The following RELN variants were observed in gnomAD, a reference collection of about 807,000 sequenced individuals.
RELN encodes the protein reelin.
In RELN, 108 loss-of-function variants were observed where a neutral mutation model predicts 427.6. That is an observed-to-expected ratio of 0.25 (90% confidence interval 0.22 to 0.30). The LOEUF is 0.30. RELN is among the 10% of genes least tolerant of loss of function. RELN has a pLI of 1.00. For missense variants in RELN, 3,715 were observed against 4,302.8 expected (o/e 0.86, Z 3.82); for synonymous variants, 1,524 against 1,513.4 (o/e 1.01, Z -0.16).
At chr7:103,597,249 C>T (rs1358385854) in intron 24 of RELN, among the ~76,000 whole-genome samples, 1 of 152,112 alleles carries the variant, frequency 6.6e-6, no homozygotes, top group African/African-American at 2.4e-5. Context: ...TGGCCCTGAC[C>T]CTCCTGTCCT....
chr7:103,857,823 G>A (rs549381419), intron 2 of RELN, among the ~76,000 whole-genome samples: 1 of 152,222 alleles, frequency 6.6e-6, no homozygotes, highest in South Asian at 2.1e-4. Flanking sequence ...ATGCTAATCA[G>A]TTGTCCTACT....
intron 4 of RELN, among the ~76,000 whole-genome samples, chr7:103,769,163 C>T (rs1397327444): frequency 1.3e-5 from 2 of 152,292 alleles, no homozygotes; most frequent in African/African-American, 4.8e-5. Context: ...TAAGGTCACA[C>T]AAGTAAAGCC....
chr7:103,596,776 C>G (rs574471758), intron 24 of RELN, 115 bp from the exon 25 acceptor site: 1 of 897,220 alleles, frequency 1.1e-6, no homozygotes, highest in African/African-American at 1.6e-5. Context: ...GGTCTCGTCC[C>G]CATTTATTGT....
intron 2 of RELN, among the ~76,000 whole-genome samples, chr7:103,893,730 A>T (rs970044858): frequency 1.3e-5 from 2 of 152,132 alleles, no homozygotes; most frequent in Admixed American, 1.3e-4. Flanking sequence ...ATGCAAGTAC[A>T]CCCTCACATA....
chr7:103,952,099 TA>T (rs1796344285), intron 1 of RELN, among the ~76,000 whole-genome samples: 1 of 152,254 alleles, frequency 6.6e-6, no homozygotes, highest in Non-Finnish European at 1.5e-5. Context: ...CAGTTCTCAA[TA>T]AAATAATTTA....
At chr7:103,724,820 A>G (rs1790164404) in intron 7 of RELN, among the ~76,000 whole-genome samples, 1 of 152,092 alleles carries the variant, frequency 6.6e-6, no homozygotes, top group South Asian at 2.1e-4. Context: ...AGGAAAAAAA[A>G]AAAGAAGCAC....
chr7:103,963,195 G>A (rs889725345), intron 1 of RELN, among the ~76,000 whole-genome samples: 5 of 136,514 alleles, frequency 3.7e-5, no homozygotes, highest in African/African-American at 1.1e-4. Context: ...CTCTGTCTTC[G>A]CTTTGTCCTT....
At chr7:103,624,828 A>G (rs1309499481) in intron 20 of RELN, among the ~76,000 whole-genome samples, 1 of 152,164 alleles carries the variant, frequency 6.6e-6, no homozygotes, top group Non-Finnish European at 1.5e-5. Flanking sequence ...CTAAAAAATG[A>G]CCAACGGATG....
chr7:103,701,176 A>T (rs1036671605), intron 8 of RELN, among the ~76,000 whole-genome samples, 170 bp from the exon 9 acceptor site: 17 of 152,164 alleles, frequency 1.1e-4, no homozygotes, highest in Non-Finnish European at 1.5e-4. Flanking sequence ...GGTAACTACC[A>T]TTTGATAAAT....
At chr7:103,482,694 T>C (rs904478085) in intron 63 of RELN, 179 bp downstream of exon 63, 9 of 825,250 alleles carry the variant, frequency 1.1e-5, no homozygotes, top group Non-Finnish European at 1.3e-5. Context: ...CATTCGGGGC[T>C]TTGCTATTTC....
chr7:103,969,197 C>T lies in RELN; in HGVS notation c.226+19934G>A, dbSNP rs1796715065. Among the ~76,000 whole-genome samples, 7 of 152,174 alleles carry T rather than the reference C, an allele frequency of 4.6e-5. No individual in the cohort carries two copies. In the South Asian group the frequency reaches 1.2e-3, roughly 27 times the overall value. ...AATAAACTGGGGTTTTTAACTCCTC[C>T]AGTAATTATGGCAAAGTTCATGCCC... On this transcript the variant is annotated intron_variant, in intron 1 of 64. Coordinates refer to ENST00000428762, the MANE Select transcript of RELN (RefSeq NM_005045.4).
chr7:103,794,725 T>C (rs972399762), intron 3 of RELN, among the ~76,000 whole-genome samples: 4 of 152,154 alleles, frequency 2.6e-5, no homozygotes, highest in Admixed American at 2.6e-4. Flanking sequence ...TTATTTAAAT[T>C]GGATCATTCT....
chr7:103,829,275 G>A (rs1793218129), intron 3 of RELN, among the ~76,000 whole-genome samples: 1 of 151,466 alleles, frequency 6.6e-6, no homozygotes, highest in East Asian at 1.9e-4. Flanking sequence ...TTTGGAGATT[G>A]GCTTTCTTTC....
chr7:103,965,692 G>A (rs1267406019), intron 1 of RELN, among the ~76,000 whole-genome samples: 2 of 152,056 alleles, frequency 1.3e-5, no homozygotes, highest in Non-Finnish European at 2.9e-5. Flanking sequence ...TGTTTATCTG[G>A]TTGGATCAAT....
intron 8 of RELN, among the ~76,000 whole-genome samples, chr7:103,717,478 AAC>A (rs1370057939): frequency 5.2e-4 from 73 of 141,652 alleles, no homozygotes; most frequent in Middle Eastern, 3.6e-3. Flanking sequence ...CCATATATAA[AAC>A]AAAAAAAAAA....
In RELN at chr7:103,500,762, A is replaced by G. The variant is rs2117033041; in HGVS notation, c.8650T>C (p.Leu2884=). The part of the protein sequence containing the change: ...DPGYSGPNCY[L]THTLKTFLKE... ...ACCCTTACCTTCAGAGTGTGGGTCA[A>G]GTAGCAGTTTGGCCCTGAGTATCCC... The change falls in exon 53 of 65, where the codon TTG becomes CTG. Residue 2884 remains leucine, a synonymous_variant. Transcript: ENST00000428762. The G allele has an allele frequency of 3.1e-6, 5 of 1,614,134 alleles. No homozygotes were observed. Among genetic ancestry groups the G allele is most frequent in the East Asian group, 2.2e-5 (1 of 44,884 alleles).
intron 27 of RELN, among the ~76,000 whole-genome samples, chr7:103,590,580 A>G (rs1831388976): frequency 6.6e-6 from 1 of 150,756 alleles, no homozygotes; most frequent in African/African-American, 2.5e-5. Context: ...AAATAAATAA[A>G]TAAATAAATA....
chr7:103,766,103 G>A (rs561827900), intron 4 of RELN, among the ~76,000 whole-genome samples: 43 of 152,238 alleles, frequency 2.8e-4, no homozygotes, highest in African/African-American at 1.0e-3. Context: ...TTAGTGTGTC[G>A]CTTTGTTGGG....
intron 60 of RELN, among the ~76,000 whole-genome samples, chr7:103,486,941 A>G (rs1165512994): frequency 6.6e-6 from 1 of 152,232 alleles, no homozygotes; most frequent in Non-Finnish European, 1.5e-5. Flanking sequence ...ATTCTACGCT[A>G]AAGACACATG....
Sources: allele counts gnomAD v4.1 joint callset (sites outside exome capture counted in the v4.1 genomes callset), GRCh38; gene constraint gnomAD v4.1.1; transcripts MANE v1.5; gene names NCBI Gene and HGNC (gene_info 2026-07-23, HGNC 2026-07-21).